SLC35F4: variants seen among roughly 807,000 people sequenced by gnomAD.
SLC35F4 encodes chromosome 14 open reading frame 36.
SLC35F4 carries 24 observed loss-of-function variants against 44.2 expected under a neutral mutation model. The ratio of observed to expected loss-of-function variants is 0.54; its 90% CI spans 0.39 to 0.76. The LOEUF (loss-of-function observed/expected upper bound fraction) is 0.76. SLC35F4 is among the 30% of genes least tolerant of loss of function. The probability of loss-of-function intolerance (pLI) is 0.00; values close to 1 mark genes in which losing one functional copy is unlikely to be tolerated. For synonymous variants in SLC35F4, 238 were observed against 223.6 expected (o/e 1.06, Z -0.57); for missense variants, 562 against 586.1 (o/e 0.96, Z 0.42).
At chr14:57,715,158 G>T (rs1287032275) in intron 1 of SLC35F4, among the ~76,000 whole-genome samples, 3 of 152,106 alleles carry the variant, frequency 2.0e-5, no homozygotes, top group South Asian at 2.1e-4. Flanking sequence ...AGTCTGCAGG[G>T]TTATAGGGGG....
chr14:57,896,421 A>C (rs1012830109), intron 1 of SLC35F4, among the ~76,000 whole-genome samples: 1 of 152,188 alleles, frequency 6.6e-6, no homozygotes, highest in African/African-American at 2.4e-5. Context: ...TGATAAGATC[A>C]AAATGCGTTT....
chr14:57,966,078 G>C (rs1237940758), intron 1 of SLC35F4, among the ~76,000 whole-genome samples: 2 of 152,180 alleles, frequency 1.3e-5, no homozygotes, highest in Non-Finnish European at 2.9e-5. Flanking sequence ...AATTCTGGGA[G>C]TAGGATCCAG....
At chr14:57,710,543 C>T (rs1638874177) in intron 1 of SLC35F4, among the ~76,000 whole-genome samples, 1 of 152,102 alleles carries the variant, frequency 6.6e-6, no homozygotes, top group South Asian at 2.1e-4. Context: ...TTGCACCATG[C>T]ACCTGGAAAA....
Position 57,780,979 on chromosome 14 carries a change from G to T in SLC35F4, c.103+84744C>A, listed in dbSNP as rs541210344. ...TATAAAAACCCTGGAAGAAAATCTA[G>T]GCAATATTATTCCGGACATAGGAAT... On this transcript the variant is annotated intron_variant, in intron 1 of 7. Transcript: ENST00000556826. Among the ~76,000 whole-genome samples, 1,252 of 152,174 alleles carry T rather than the reference G, an allele frequency of 8.2e-3. 14 individuals are homozygous for T. The highest frequency in any genetic ancestry group is 0.029 in the African/African-American group (1,191 of 41,530).
At chr14:57,728,001 T>C (rs896338421) in intron 1 of SLC35F4, among the ~76,000 whole-genome samples, 2 of 152,190 alleles carry the variant, frequency 1.3e-5, no homozygotes, top group African/African-American at 4.8e-5. Context: ...CCAGATATTA[T>C]TGTATTGGGA....
chr14:57,706,991 A>G (rs2140386201), intron 1 of SLC35F4, among the ~76,000 whole-genome samples: 1 of 152,308 alleles, frequency 6.6e-6, no homozygotes, highest in East Asian at 1.9e-4. Flanking sequence ...ATGTGAGAAG[A>G]CTGGTTTGGA....
chr14:57,973,512 C>T (rs1881116539), downstream of SLC35F4, among the ~76,000 whole-genome samples: 1 of 152,080 alleles, frequency 6.6e-6, no homozygotes, highest in Non-Finnish European at 1.5e-5. Flanking sequence ...TTCTGTTTTC[C>T]TGCTGGAGGT....
At chr14:57,881,362 G>T (rs777131770) in intron 1 of SLC35F4, among the ~76,000 whole-genome samples, 4 of 152,056 alleles carry the variant, frequency 2.6e-5, no homozygotes, top group Non-Finnish European at 4.4e-5. Flanking sequence ...CCTCTACCAG[G>T]ATTTTGTTGT....
chr14:57,594,564 A>G (rs1008246364), intron 1 of SLC35F4, among the ~76,000 whole-genome samples: 1 of 152,210 alleles, frequency 6.6e-6, no homozygotes, highest in Admixed American at 6.5e-5. Flanking sequence ...AAATCTATTC[A>G]CTAGAAATGA....
intron 1 of SLC35F4, among the ~76,000 whole-genome samples, chr14:57,923,284 ATG>A (rs1202827130): frequency 7.9e-5 from 12 of 152,322 alleles, no homozygotes; most frequent in Middle Eastern, 3.4e-3. Context: ...TTTTTGTCCT[ATG>A]TAAATGGCAG....
intron 1 of SLC35F4, among the ~76,000 whole-genome samples, chr14:57,877,278 T>G (rs1443550500): frequency 6.6e-6 from 1 of 152,214 alleles, no homozygotes; most frequent in Non-Finnish European, 1.5e-5. Flanking sequence ...TATGTTCCTG[T>G]GTTAATTGAC....
chr14:57,606,382 G>A (rs965987689), intron 1 of SLC35F4, among the ~76,000 whole-genome samples: 1 of 152,160 alleles, frequency 6.6e-6, no homozygotes, highest in Non-Finnish European at 1.5e-5. Context: ...TATTTTAGAT[G>A]CAGTGGGAGT....
chr14:57,766,858 A>C (rs2077247424), intron 1 of SLC35F4, among the ~76,000 whole-genome samples: 1 of 152,254 alleles, frequency 6.6e-6, no homozygotes, highest in African/African-American at 2.4e-5. Context: ...GCCCAAATAT[A>C]CAAATCAAAA....
intron 1 of SLC35F4, among the ~76,000 whole-genome samples, chr14:57,730,682 C>T (rs114482890): frequency 0.039 from 5,952 of 152,218 alleles, 138 homozygotes; most frequent in South Asian, 0.081. Flanking sequence ...TAGGGGCATC[C>T]ATGAAAAATG....
At chr14:57,847,369 A>G (rs1227583289) in intron 1 of SLC35F4, among the ~76,000 whole-genome samples, 1 of 152,158 alleles carries the variant, frequency 6.6e-6, no homozygotes, top group Non-Finnish European at 1.5e-5. Flanking sequence ...CACTTTTCTT[A>G]TACTGGTAAG....
chr14:57,895,650 G>C (rs994485538), intron 1 of SLC35F4, among the ~76,000 whole-genome samples: 1 of 151,706 alleles, frequency 6.6e-6, no homozygotes, highest in South Asian at 2.1e-4. Context: ...GCAATACATG[G>C]TTGTTTTCGC....
intron 1 of SLC35F4, among the ~76,000 whole-genome samples, chr14:57,773,571 AC>A (rs1240623693): frequency 6.6e-6 from 1 of 152,158 alleles, no homozygotes; most frequent in Non-Finnish European, 1.5e-5. Context: ...TTTGGCTACA[AC>A]TTTTCCAGTG....
chr14:57,775,366 T>C (rs1190571476), intron 1 of SLC35F4, among the ~76,000 whole-genome samples: 1 of 152,214 alleles, frequency 6.6e-6, no homozygotes, highest in Non-Finnish European at 1.5e-5. Flanking sequence ...TACTGCCCTA[T>C]GAAGTGTTTT....
intron 1 of SLC35F4, among the ~76,000 whole-genome samples, chr14:57,851,434 G>A (rs868801966): frequency 6.6e-6 from 1 of 152,134 alleles, no homozygotes; most frequent in Non-Finnish European, 1.5e-5. Context: ...AAAGATTTCT[G>A]TATCTCCAAC....
Sources: allele counts gnomAD v4.1 joint callset (sites outside exome capture counted in the v4.1 genomes callset), GRCh38; gene constraint gnomAD v4.1.1; transcripts MANE v1.5; gene names NCBI Gene and HGNC (gene_info 2026-07-23, HGNC 2026-07-21).